NPR1: variants seen among roughly 807,000 people sequenced by gnomAD.
NPR1 encodes atrial natriuretic peptide receptor 1.
In NPR1, 57 loss-of-function variants were observed where a neutral mutation model predicts 116.9. That is an observed-to-expected ratio of 0.49 (90% CI 0.39 to 0.61). NPR1 has a LOEUF of 0.61. Ranked by LOEUF, NPR1 falls within the 20% of genes least tolerant of loss-of-function variation. The pLI, the probability that NPR1 is intolerant of heterozygous loss-of-function variation, is 0.00. For missense variants in NPR1, 1,096 were observed against 1,409.8 expected (o/e 0.78, Z 3.56); for synonymous variants, 555 against 601.6 (o/e 0.92, Z 1.13).
chr1:153,689,772 C>G lies in NPR1; in HGVS notation c.2758-34C>G. ...GTGTGGCCGGCCGCACAGTTGCAGC[C>G]GTCAAGTCCTGCACCCCCTCGCCAC... On this transcript the variant is annotated intron_variant, in intron 18 of 21. Coordinates refer to ENST00000368680, the MANE Select transcript of NPR1 (RefSeq NM_000906.4). The surrounding 1 kb of genome is among the most constrained non-coding windows in gnomAD (Gnocchi z 5.1). 6.7e-7 allele frequency: 1 copy of G among 1,492,346 alleles called. No homozygotes were observed. The highest frequency in any genetic ancestry group is 9.0e-7 in the Non-Finnish European group (1 of 1,113,136). 92.4% of individuals were successfully genotyped at this position (1,492,346 alleles called of 1,614,324 possible).
intron 1 of NPR1, among the ~76,000 whole-genome samples, chr1:153,680,291 T>A (rs1259074676): frequency 8.1e-6 from 1 of 123,278 alleles, no homozygotes; most frequent in African/African-American, 3.0e-5. Context: ...TCCCCCTTCC[T>A]CCTCCCGCCC....
chr1:153,679,264 G>T lies in NPR1; in HGVS notation c.156G>T (p.Trp52Cys). 1 of 1,528,222 alleles carries T rather than the reference G, an allele frequency of 6.5e-7. No homozygotes were observed. The highest frequency in any genetic ancestry group is 8.8e-7 in the Non-Finnish European group (1 of 1,142,760). The allele number at this position is 1,528,222 out of a possible 1,614,324, so 94.7% of individuals were successfully genotyped here. The change falls in exon 1 of 22, where the codon TGG becomes TGT. Residue 52 changes from tryptophan to cysteine, a missense_variant. Coordinates refer to ENST00000368680, the MANE Select transcript of NPR1 (RefSeq NM_000906.4). This position sits in a 1 kb window ranked among gnomAD's most constrained non-coding sequence, Gnocchi z 4.2. ...CCAATACCTCGTACCCCTGGTCGTG[G>T]GCGCGCGTGGGACCCGCCGTGGAGC... is the stretch of plus-strand genomic sequence containing the variant. ...PLANTSYPWS[W>C]ARVGPAVELA...
chr1:153,683,316 C>T (rs61757353), intron 5 of NPR1, 60 bp from the exon 6 acceptor site: 7 of 1,568,868 alleles, frequency 4.5e-6, no homozygotes, highest in Middle Eastern at 3.5e-4. Context: ...GAGACTGCTG[C>T]ACTCACAGCA....
chr1:153,678,956 A>G lies in NPR1; in HGVS notation c.-153A>G, dbSNP rs988934547. The G allele has an allele frequency of 1.7e-5, 17 of 1,001,168 alleles. No homozygotes were observed. The highest frequency in any genetic ancestry group is 2.0e-5 in the Non-Finnish European group (15 of 742,814). The allele number at this position is 1,001,168 out of a possible 1,614,324, so 62.0% of individuals were successfully genotyped here. On this transcript the variant is annotated 5_prime_UTR_variant, in exon 1 of 22. Transcript: ENST00000368680. This position sits in a 1 kb window ranked among gnomAD's most constrained non-coding sequence, Gnocchi z 5.8. Reference sequence around the variant, plus strand: ...GCTCTCGGCCCAGACCGTCGCAGCTACAGGGGGCCTCGAGCCCCGGGGTGA... The same window carrying G: ...GCTCTCGGCCCAGACCGTCGCAGCTGCAGGGGGCCTCGAGCCCCGGGGTGA...
At chr1:153,690,410 G>A (rs1260849327) in intron 20 of NPR1, 28 bp downstream of exon 20, 1 of 1,512,210 alleles carries the variant, frequency 6.6e-7, no homozygotes, top group African/African-American at 1.4e-5. Flanking sequence ...AGAGGGAATG[G>A]GGAGGGCAGG....
intron 2 of NPR1, chr1:153,680,909 G>A (rs1227050514): frequency 1.5e-5 from 9 of 606,998 alleles, no homozygotes; most frequent in Non-Finnish European, 2.3e-5. Context: ...GCCCAGGGGC[G>A]CTTCGCCACC....
At chr1:153,681,069 G>T in intron 2 of NPR1, 111 bp from the exon 3 acceptor site, 1 of 704,070 alleles carries the variant, frequency 1.4e-6, no homozygotes. Flanking sequence ...GTTTGACCTT[G>T]AGCTAAGCAG....
At chr1:153,680,233 C>A (rs1304201767) in intron 1 of NPR1, among the ~76,000 whole-genome samples, 64 of 150,130 alleles carry the variant, frequency 4.3e-4, no homozygotes, top group African/African-American at 1.4e-3. Flanking sequence ...TCTCCACCTT[C>A]AGCTCCACTA....
At chr1:153,681,648 C>G in intron 3 of NPR1, 56 bp from the exon 4 acceptor site, 2 of 1,587,486 alleles carry the variant, frequency 1.3e-6, no homozygotes, top group Non-Finnish European at 1.7e-6. Context: ...CCCCACAGCT[C>G]CCACCTCCAT....
At position 153,679,411 on chromosome 1, in the gene NPR1, G is replaced by A. The variant is rs1343867436; in HGVS notation, c.303G>A (p.Ala101=). Residue 101 remains alanine (A), a synonymous_variant, in exon 1 of 22, where the codon GCG becomes GCA. Transcript: ENST00000368680. This position sits in a 1 kb window ranked among gnomAD's most constrained non-coding sequence, Gnocchi z 4.2. ...VCSDTAAPLA[A]VDLKWEHNPA... The stretch of plus-strand genomic sequence containing the variant: ...CCGACACCGCAGCGCCCCTGGCCGC[G>A]GTGGACCTCAAGTGGGAGCACAACC... 1.6e-5 allele frequency: 25 copies of A among 1,541,726 alleles called. No individual in the cohort carries two copies. The highest frequency in any genetic ancestry group is 2.1e-5 in the Non-Finnish European group (24 of 1,148,606).
At chr1:153,693,063 T>A (rs372510613) in intron 20 of NPR1, 43 bp from the exon 21 acceptor site, 6 of 1,502,436 alleles carry the variant, frequency 4.0e-6, no homozygotes, top group Non-Finnish European at 5.5e-6. Context: ...CCTGCTCTCC[T>A]CTCTCACATT....
At chr1:153,680,760 CTG>C in intron 2 of NPR1, 60 bp downstream of exon 2, 1 of 1,366,536 alleles carries the variant, frequency 7.3e-7, no homozygotes, top group Non-Finnish European at 1.0e-6. Context: ...TTTCTGGGCA[CTG>C]TGTCCCTCAG....
At position 153,687,795 on chromosome 1, in the gene NPR1, AG is replaced by A; in HGVS notation, c.2248+8del. 6.3e-7 allele frequency: 1 copy of A among 1,575,494 alleles called. No individual in the cohort carries two copies. The highest frequency in any genetic ancestry group is 8.7e-7 in the Non-Finnish European group (1 of 1,154,982). On this transcript the variant is annotated splice_region_variant and intron_variant, in intron 14 of 21. Coordinates refer to ENST00000368680, the MANE Select transcript of NPR1 (RefSeq NM_000906.4). ...TTTGGACCTGAGCCCCAAAGGTGAG[AG>A]GAGCACACCTTCCTTAAACCCAGCC...
chr1:153,690,213 A>G, intron 19 of NPR1, 71 bp from the exon 20 acceptor site: 1 of 1,248,286 alleles, frequency 8.0e-7, no homozygotes. Context: ...TGGATTGTCC[A>G]CCTACCTCCC....
At position 153,689,063 on chromosome 1, in the gene NPR1, G is replaced by A. The variant is rs13306001; in HGVS notation, c.2528G>A (p.Arg843His). The A allele has an allele frequency of 5.6e-6, 9 of 1,614,074 alleles. No individual in the cohort carries two copies. Among genetic ancestry groups the A allele is most frequent in the African/African-American group, 4.0e-5 (3 of 74,922 alleles). The change falls in exon 16 of 22, where the codon CGC becomes CAC. Residue 843 changes from arginine to histidine, a missense_variant. Transcript: ENST00000368680. The surrounding 1 kb of genome is among the most constrained non-coding windows in gnomAD (Gnocchi z 5.1). ...ERTQAYLEEK[R>H]KAEALLYQIL... is the part of the protein sequence containing the mutation. ...ACCCAGGCATACCTGGAGGAGAAGC[G>A]CAAGGCTGAGGCCCTGCTCTACCAG...
At position 153,683,927 on chromosome 1, in the gene NPR1, C is replaced by A; in HGVS notation, c.1484+103C>A. 9.1e-6 allele frequency: 9 copies of A among 992,466 alleles called. No homozygotes were observed. In the South Asian group the frequency reaches 1.2e-4, roughly 13 times the overall value. 61.5% of individuals were successfully genotyped at this position (992,466 alleles called of 1,614,324 possible). A position where few individuals can be genotyped will look rare whatever the true frequency, so the allele number is the denominator to read the frequency against. ...AGGGAAGAGGGCAGGGGTGAAGGGG[C>A]ACCAGGGGAAAACCAAGGGAGATGA... On this transcript the variant is annotated intron_variant, in intron 7 of 21. Coordinates refer to ENST00000368680, the MANE Select transcript of NPR1 (RefSeq NM_000906.4).
intron 20 of NPR1, 61 bp downstream of exon 20, chr1:153,690,443 T>A: frequency 1.6e-6 from 2 of 1,283,342 alleles, no homozygotes; most frequent in Non-Finnish European, 2.2e-6. Flanking sequence ...AATGCCATCC[T>A]GGGGCAGCCT....
chr1:153,689,339 A>G lies in NPR1; in HGVS notation c.2688+28A>G, dbSNP rs771228532. The stretch of plus-strand genomic sequence containing the variant: ...AGGCCAGGGTTCAGCCACAGGTGCC[A>G]GGCAAGCTCAGCATCTGGATCCCAC... On this transcript the variant is annotated intron_variant, in intron 17 of 21. Coordinates refer to ENST00000368680, the MANE Select transcript of NPR1 (RefSeq NM_000906.4). This position sits in a 1 kb window ranked among gnomAD's most constrained non-coding sequence, Gnocchi z 5.1. 6.2e-7 allele frequency: 1 copy of G among 1,614,050 alleles called. No individual in the cohort carries two copies. Among genetic ancestry groups the G allele is most frequent in the Admixed American group, 1.7e-5 (1 of 59,996 alleles).
Position 153,679,191 on chromosome 1 carries a change from G to A in NPR1, c.83G>A (p.Arg28Gln), listed in dbSNP as rs1292195838. 1.1e-5 allele frequency: 16 copies of A among 1,511,646 alleles called. No individual in the cohort carries two copies. The highest frequency in any genetic ancestry group is 2.9e-5 in the African/African-American group (2 of 69,136). The allele number at this position is 1,511,646 out of a possible 1,614,324, so 93.6% of individuals were successfully genotyped here. The change falls in exon 1 of 22, where the codon CGG becomes CAG. Residue 28 changes from arginine to glutamine, a missense_variant. Physicochemically the swap from Arg to Gln is conservative, Grantham distance 43 (BLOSUM62 1). Transcript: ENST00000368680. The surrounding 1 kb of genome is among the most constrained non-coding windows in gnomAD (Gnocchi z 4.2). ...CTGCCGCCGCTGCTGCTGCTGCTCC[G>A]GGGCAGCCACGCGGGCAACCTGACG... ...LLLPPLLLLLRGSHAGNLTVA... is the reference protein window; with the variant it reads ...LLLPPLLLLLQGSHAGNLTVA...
Sources: allele counts gnomAD v4.1 joint callset (sites outside exome capture counted in the v4.1 genomes callset), GRCh38; gene constraint gnomAD v4.1.1; non-coding constraint Gnocchi (gnomAD v3.1); transcripts MANE v1.5; gene names NCBI Gene and HGNC (gene_info 2026-07-23, HGNC 2026-07-21).